The following CRACD variants were observed in gnomAD, a reference collection of about 807,000 sequenced individuals.
CRACD encodes the protein capping protein inhibiting regulator of actin dynamics.
Under a neutral mutation model 106.8 loss-of-function variants are expected in CRACD, and 56 were observed. That is an observed-to-expected ratio of 0.52 (90% CI 0.42 to 0.66). The LOEUF (loss-of-function observed/expected upper bound fraction) is 0.66. Ranked by LOEUF, CRACD falls within the 30% of genes least tolerant of loss-of-function variation. CRACD has a pLI of 0.00. For synonymous variants in CRACD, 754 were observed against 670.8 expected (o/e 1.12, Z -1.92); for missense variants, 1,730 against 1,623.2 (o/e 1.07, Z -1.13).
chr4:56,313,423 T>C, intron 7 of CRACD, 44 bp downstream of exon 7: 1 of 1,539,584 alleles, frequency 6.5e-7, no homozygotes, highest in South Asian at 1.2e-5. Context: ...TGCCCTTGCC[T>C]ACTGGGCACT....
At chr4:56,215,636 A>G (rs1176133745) in intron 2 of CRACD, among the ~76,000 whole-genome samples, 1 of 152,200 alleles carries the variant, frequency 6.6e-6, no homozygotes, top group African/African-American at 2.4e-5. Context: ...CTCTAGCACA[A>G]TGTTACACAT....
intron 2 of CRACD, among the ~76,000 whole-genome samples, chr4:56,188,620 A>G (rs1737188185): frequency 1.4e-5 from 1 of 73,346 alleles, no homozygotes; most frequent in Non-Finnish European, 2.6e-5. Flanking sequence ...GTATCTGTCT[A>G]GCCTCTCTCT....
intron 1 of CRACD, among the ~76,000 whole-genome samples, chr4:56,121,965 C>A (rs1734499954): frequency 1.3e-5 from 2 of 152,120 alleles, no homozygotes; most frequent in African/African-American, 2.4e-5. Flanking sequence ...ATTGCCAGTG[C>A]ATGATGATAA....
At position 56,117,947 on chromosome 4, in the gene CRACD, C is replaced by T. The variant is rs56933962; in HGVS notation, c.-335-61337C>T. The stretch of plus-strand genomic sequence containing the variant: ...CTAATGTTTGTATTTTTAGTAGAGA[C>T]GGGGTTTCACCATGTTATCCAGGCT... On this transcript the variant is annotated intron_variant, in intron 1 of 10. Transcript: ENST00000682029. Among the ~76,000 whole-genome samples the T allele has an allele frequency of 6.3e-3, 960 of 152,070 alleles. 21 individuals carry two copies. The East Asian group carries it at 0.065, about 10-fold the overall frequency.
intron 1 of CRACD, among the ~76,000 whole-genome samples, chr4:56,075,629 C>G (rs1732815020): frequency 6.6e-6 from 1 of 152,106 alleles, no homozygotes; most frequent in African/African-American, 2.4e-5. Flanking sequence ...TCCCCCAAAC[C>G]CCTAGCAACC....
At chr4:56,295,037 C>T (rs1347269225) in intron 3 of CRACD, among the ~76,000 whole-genome samples, 1 of 149,124 alleles carries the variant, frequency 6.7e-6, no homozygotes, top group Admixed American at 6.7e-5. Flanking sequence ...TAAAAAGCTA[C>T]AGCAATTAAG....
In CRACD at chr4:56,314,296, G is replaced by C; in HGVS notation, c.794G>C (p.Arg265Thr). The C allele has an allele frequency of 3.2e-6, 5 of 1,555,332 alleles. No individual in the cohort carries two copies. The highest frequency in any genetic ancestry group is 2.6e-6 in the Non-Finnish European group (3 of 1,148,920). The change falls in exon 8 of 11, where the codon AGA (arginine) becomes ACA (threonine). Residue 265 changes from arginine (R) to threonine (T), a missense_variant. Arg to Thr is a moderately conservative substitution (Grantham distance 71). Transcript: ENST00000682029. This position sits in a 1 kb window ranked among gnomAD's most constrained non-coding sequence, Gnocchi z 4.4. ...GAGAGGAGGCTTTGGGAAGAGAACA[G>C]AAGGCAGGAGCTCTTGGAGGAGGAG... The part of the protein sequence containing the change: ...ALERRLWEEN[R>T]RQELLEEEGE...
rs1746541202 is a variant in CRACD at position 56,327,677 on chromosome 4, T to TATCATCAAAAAA, written c.3575_3576insATCATCAAAAAA (p.Leu1192_Val1193insSerSerLysLys). ...TCCGACTCGGCTCCCCCAGCGCCGC[T>TATCATCAAAAAA]GGTAAAAGAAGTCACCAAGAGGTTT... On this transcript the variant is annotated inframe_insertion, in exon 11 of 11. Coordinates refer to ENST00000682029, the MANE Select transcript of CRACD (RefSeq NM_001393381.1). 1 of 1,607,896 alleles carries TATCATCAAAAAA rather than the reference T, an allele frequency of 6.2e-7. No homozygotes were observed. Among genetic ancestry groups the TATCATCAAAAAA allele is most frequent in the African/African-American group, 1.4e-5 (1 of 73,134 alleles).
chr4:56,240,858 A>G (rs1328794108), intron 2 of CRACD, among the ~76,000 whole-genome samples: 2 of 152,120 alleles, frequency 1.3e-5, no homozygotes, highest in Non-Finnish European at 2.9e-5. Context: ...TCAGAAACTT[A>G]TTCTTATGTG....
At chr4:56,225,913 A>G (rs1168431438) in intron 2 of CRACD, among the ~76,000 whole-genome samples, 1 of 152,236 alleles carries the variant, frequency 6.6e-6, no homozygotes, top group African/African-American at 2.4e-5. Flanking sequence ...CACATCTTCA[A>G]GCTGTTGCTG....
chr4:56,142,121 A>G (rs1177742808), intron 1 of CRACD, among the ~76,000 whole-genome samples: 1 of 152,206 alleles, frequency 6.6e-6, no homozygotes, highest in African/African-American at 2.4e-5. Context: ...AGAAATAATC[A>G]TTGTTAATAT....
Position 56,315,597 on chromosome 4 carries a change from C to T in CRACD, c.2095C>T (p.Pro699Ser), listed in dbSNP as rs780145063. The T allele has an allele frequency of 2.5e-6, 4 of 1,613,996 alleles. No individual in the cohort carries two copies. The highest frequency in any genetic ancestry group is 1.1e-5 in the South Asian group (1 of 91,082). ...DQLRPGDEST[P>S]RGRCDSRGNQ... ...GTTGAGGCCCGGTGATGAGTCCACT[C>T]CCAGGGGCCGGTGTGATTCCCGCGG... is the stretch of plus-strand genomic sequence containing the variant. The change falls in exon 8 of 11, where the codon CCC (proline) becomes TCC (serine). Residue 699 changes from proline to serine, a missense_variant. This residue lies in a region of CRACD where 1,620 missense variants were observed against 1,481.6 expected (regional missense o/e 1.09). Transcript: ENST00000682029. This position sits in a 1 kb window ranked among gnomAD's most constrained non-coding sequence, Gnocchi z 4.1.
chr4:56,077,263 G>T (rs1311441693), intron 1 of CRACD, among the ~76,000 whole-genome samples: 1 of 152,184 alleles, frequency 6.6e-6, no homozygotes, highest in East Asian at 1.9e-4. Flanking sequence ...AGCAGGGGAA[G>T]TGCCAGATGC....
chr4:56,266,165 A>G lies in CRACD; in HGVS notation c.-188-6156A>G, dbSNP rs78636636. ...AAATTACTATGATCCCTGAAGCAGT[A>G]TAGATGCATATGTAAGTTCTTTCAT... On this transcript the variant is annotated intron_variant, in intron 2 of 10. Transcript: ENST00000682029. Among the ~76,000 whole-genome samples, 1,106 of 152,330 alleles carry G rather than the reference A, an allele frequency of 7.3e-3. 7 individuals carry two copies. Among genetic ancestry groups the G allele is most frequent in the Non-Finnish European group, 0.012 (839 of 68,028 alleles).
At chr4:56,301,587 T>C (rs1434639356) in intron 4 of CRACD, among the ~76,000 whole-genome samples, 1 of 152,156 alleles carries the variant, frequency 6.6e-6, no homozygotes, top group Non-Finnish European at 1.5e-5. Flanking sequence ...CTCTGTGGCT[T>C]AAGAAACTTC....
At chr4:56,292,079 G>A (rs773241716) in intron 3 of CRACD, among the ~76,000 whole-genome samples, 7 of 152,132 alleles carry the variant, frequency 4.6e-5, no homozygotes, top group African/African-American at 1.4e-4. Flanking sequence ...AGGCTGATGC[G>A]GTCTCAGATG....
intron 3 of CRACD, among the ~76,000 whole-genome samples, chr4:56,288,297 T>C (rs1743488897): frequency 6.6e-6 from 1 of 152,150 alleles, no homozygotes; most frequent in African/African-American, 2.4e-5. Context: ...TACAAGGGTA[T>C]ATTACGTGAT....
intron 1 of CRACD, among the ~76,000 whole-genome samples, chr4:56,174,425 C>T (rs1397527984): frequency 6.6e-6 from 1 of 152,188 alleles, no homozygotes; most frequent in Non-Finnish European, 1.5e-5. Flanking sequence ...TTAATCAACT[C>T]CTCGTCATCC....
At chr4:56,250,135 C>G (rs1291161996) in intron 2 of CRACD, among the ~76,000 whole-genome samples, 1 of 151,820 alleles carries the variant, frequency 6.6e-6, no homozygotes, top group East Asian at 1.9e-4. Flanking sequence ...TTTTTTCTTT[C>G]TCACGTTTTG....
Sources: allele counts gnomAD v4.1 joint callset (sites outside exome capture counted in the v4.1 genomes callset), GRCh38; gene constraint gnomAD v4.1.1; regional missense constraint gnomAD v4.1.1; non-coding constraint Gnocchi (gnomAD v3.1); transcripts MANE v1.5; gene names NCBI Gene and HGNC (gene_info 2026-07-23, HGNC 2026-07-21).